The following RCOR3 variants were observed in gnomAD, a reference collection of about 807,000 sequenced individuals.
RCOR3 encodes REST corepressor 3.
In RCOR3, 13 loss-of-function variants were observed where a neutral mutation model predicts 64.1. The ratio of observed to expected loss-of-function variants is 0.20; its 90% CI spans 0.13 to 0.32. The LOEUF is 0.32. Ranked by LOEUF, RCOR3 falls within the 10% of genes least tolerant of loss-of-function variation. The pLI is 1.00. For synonymous variants in RCOR3, 215 were observed against 239.0 expected (o/e 0.90, Z 0.93); for missense variants, 489 against 701.2 (o/e 0.70, Z 3.42).
intron 10 of RCOR3, among the ~76,000 whole-genome samples, chr1:211,311,930 GT>G (rs1172688548): frequency 6.6e-6 from 1 of 151,864 alleles, no homozygotes. Context: ...GTAAAGTTAG[GT>G]TCTCAATTAA....
Position 211,312,314 on chromosome 1 carries a change from C to T in RCOR3, c.1076-406C>T, listed in dbSNP as rs1701576669. On this transcript the variant is annotated intron_variant, in intron 10 of 11. Coordinates refer to ENST00000419091, the MANE Select transcript of RCOR3 (RefSeq NM_001136223.3). This position sits in a 1 kb window ranked among gnomAD's most constrained non-coding sequence, Gnocchi z 5.0. ...GAGGGGATAAGAGAGATGGCTCATT[C>T]CCATCCAGTTTTGTTTACAAACGAT... is the stretch of plus-strand genomic sequence containing the variant. The T allele has an allele frequency of 8.7e-6, 4 of 457,842 alleles. No homozygotes were observed. Among genetic ancestry groups the T allele is most frequent in the Non-Finnish European group, 1.8e-5 (4 of 228,188 alleles). 28.4% of individuals were successfully genotyped at this position (457,842 alleles called of 1,614,324 possible). A position where few individuals can be genotyped will look rare whatever the true frequency, so the allele number is the denominator to read the frequency against.
intron 2 of RCOR3, among the ~76,000 whole-genome samples, chr1:211,270,594 G>T (rs1696013393): frequency 6.6e-6 from 1 of 150,794 alleles, no homozygotes; most frequent in South Asian, 2.1e-4. Context: ...TAAAAGTCTT[G>T]AATTTTTAAT....
chr1:211,288,819 A>G (rs1220010632), intron 7 of RCOR3, among the ~76,000 whole-genome samples: 2 of 151,986 alleles, frequency 1.3e-5, no homozygotes, highest in African/African-American at 4.8e-5. Flanking sequence ...GGAACTTTGC[A>G]TTTAATAAGG....
intron 8 of RCOR3, among the ~76,000 whole-genome samples, chr1:211,293,429 T>C (rs1699482068): frequency 6.6e-6 from 1 of 152,212 alleles, no homozygotes; most frequent in African/African-American, 2.4e-5. Flanking sequence ...ACCTTAGGGC[T>C]TTTCTGTCTT....
At chr1:211,268,907 T>G (rs1251111916) in intron 2 of RCOR3, among the ~76,000 whole-genome samples, 1 of 152,168 alleles carries the variant, frequency 6.6e-6, no homozygotes, top group Non-Finnish European at 1.5e-5. Flanking sequence ...ATGTATGATT[T>G]TTTAACTAAA....
intron 10 of RCOR3, among the ~76,000 whole-genome samples, chr1:211,308,165 T>G (rs1163703232): frequency 6.6e-6 from 1 of 152,238 alleles, no homozygotes; most frequent in Non-Finnish European, 1.5e-5. Flanking sequence ...CTTTAGGGAT[T>G]ATTTTTCTAT....
At position 211,259,716 on chromosome 1, in the gene RCOR3, C is replaced by T. The variant is rs886834045; in HGVS notation, c.156C>T (p.Asp52=). 10 of 1,512,190 alleles carry T rather than the reference C, an allele frequency of 6.6e-6. No homozygotes were observed. Among genetic ancestry groups the T allele is most frequent in the Non-Finnish European group, 8.0e-6 (9 of 1,129,242 alleles). The allele number at this position is 1,512,190 out of a possible 1,614,324, so 93.7% of individuals were successfully genotyped here. A position where few individuals can be genotyped will look rare whatever the true frequency, so the allele number is the denominator to read the frequency against. The change falls in exon 1 of 12, where the codon GAC becomes GAT. Residue 52 remains aspartate (D), a synonymous_variant. Transcript: ENST00000419091. ...AGCCCGAGAGCGGCTGCAGCAGCGACGACGAGCACGGTGGTAGCCTCGAAC... is the reference window on the plus strand; with the variant it reads ...AGCCCGAGAGCGGCTGCAGCAGCGATGACGAGCACGGTGGTAGCCTCGAAC... The part of the protein sequence containing the change: ...YSEPESGCSS[D]DEHDVGMRVG...
intron 9 of RCOR3, chr1:211,301,880 G>T (rs1571983009): frequency 1.3e-5 from 2 of 151,956 alleles, no homozygotes; most frequent in Non-Finnish European, 2.9e-5. Context: ...TTTCCCTCCA[G>T]TTTCTTTCAG....
chr1:211,260,022 G>T, intron 1 of RCOR3, 86 bp from the exon 2 acceptor site: 2 of 1,443,884 alleles, frequency 1.4e-6, no homozygotes, highest in Non-Finnish European at 1.8e-6. Flanking sequence ...TCCATCTAGC[G>T]ATTTTTATTT....
rs756643084 is a variant in RCOR3 at position 211,268,369 on chromosome 1, C to CTT, written c.224-2837_224-2836dup. On this transcript the variant is annotated intron_variant, in intron 2 of 11. Transcript: ENST00000419091. ...AGATATATCAAAGTTTCTTTTCTTTCTTTTTTTTTTTTTTTTTTTTTTTTT... is the reference window on the plus strand; with the variant it reads ...AGATATATCAAAGTTTCTTTTCTTTCTTTTTTTTTTTTTTTTTTTTTTTTTTT... Among the ~76,000 whole-genome samples, 194 of 79,332 alleles carry CTT rather than the reference C, an allele frequency of 2.4e-3. 4 individuals are homozygous for CTT. Among genetic ancestry groups the CTT allele is most frequent in the African/African-American group, 7.1e-3 (162 of 22,764 alleles). 52.0% of individuals were successfully genotyped at this position (79,332 alleles called of 152,430 possible).
At chr1:211,302,239 C>CA (rs1321972048) in intron 9 of RCOR3, 1 of 152,200 alleles carries the variant, frequency 6.6e-6, no homozygotes, top group Admixed American at 6.5e-5. Context: ...TAATACAATG[C>CA]AAATACAACA....
intron 2 of RCOR3, among the ~76,000 whole-genome samples, chr1:211,264,258 G>A (rs1694836331): frequency 6.6e-6 from 1 of 152,148 alleles, no homozygotes; most frequent in African/African-American, 2.4e-5. Flanking sequence ...AAGTCATTTG[G>A]AAGAAAAATT....
Position 211,260,163 on chromosome 1 carries a change from A to G in RCOR3, c.222A>G (p.Pro74=). 1 of 1,612,054 alleles carries G rather than the reference A, an allele frequency of 6.2e-7. No homozygotes were observed. Among genetic ancestry groups the G allele is most frequent in the Non-Finnish European group, 8.5e-7 (1 of 1,178,578 alleles). The change falls in exon 2 of 12, where the codon CCA becomes CCG. Residue 74 remains proline (P), a splice_region_variant and synonymous_variant. Transcript: ENST00000419091. ...EYQARIPEFD[P]GATKYTDKDN... is the part of the protein sequence containing the mutation. ...AAGCTCGGATCCCTGAATTTGATCC[A>G]GGTAGATATATTTGCTTAAGCAAAA... is the stretch of plus-strand genomic sequence containing the variant.
rs1222954412 is a variant in RCOR3, at chr1:211,259,533, C to T, written c.-28C>T. The T allele has an allele frequency of 4.5e-5, 69 of 1,540,838 alleles. No homozygotes were observed. In the East Asian group the frequency reaches 1.6e-3, roughly 36 times the overall value. On this transcript the variant is annotated 5_prime_UTR_variant, in exon 1 of 12. Coordinates refer to ENST00000419091, the MANE Select transcript of RCOR3 (RefSeq NM_001136223.3). ...TTCACCCTGACGCCTGCCTCTTCCCCTCACCTTTCCCCCTCCCCTGTTCTA... is the reference window on the plus strand; with the variant it reads ...TTCACCCTGACGCCTGCCTCTTCCCTTCACCTTTCCCCCTCCCCTGTTCTA...
At chr1:211,298,011 A>T (rs1310033065) in intron 9 of RCOR3, among the ~76,000 whole-genome samples, 1 of 152,176 alleles carries the variant, frequency 6.6e-6, no homozygotes, top group East Asian at 1.9e-4. Context: ...TCATTTAGGG[A>T]AAAATGGGTT....
At chr1:211,281,341 AAAC>A (rs1175664722) in intron 7 of RCOR3, among the ~76,000 whole-genome samples, 1 of 151,824 alleles carries the variant, frequency 6.6e-6, no homozygotes, top group Non-Finnish European at 1.5e-5. Flanking sequence ...GTCTCTCAAA[AAAC>A]TGTGAGATTT....
rs1340230676 is a variant in RCOR3, at chr1:211,271,235, C to T, written c.227C>T (p.Ala76Val). ...QARIPEFDPG[A>V]TKYTDKDNGG... Reference sequence around the variant, plus strand: ...AGTAATTATCTTTTTCCCCCAGGTGCTACAAAGTACACAGATAAAGACAAT... The same window carrying T: ...AGTAATTATCTTTTTCCCCCAGGTGTTACAAAGTACACAGATAAAGACAAT... Residue 76 changes from alanine (A) to valine (V), a missense_variant, in exon 3 of 12, where the codon GCT becomes GTT. By Grantham distance (64) the Ala-to-Val change is moderately conservative. Around this residue, in one of 2 missense-constraint regions of RCOR3, gnomAD observed 402 missense variants for 617.0 expected, o/e 0.65. Transcript: ENST00000419091. 1 of 1,611,512 alleles carries T rather than the reference C, an allele frequency of 6.2e-7. No individual in the cohort carries two copies. The highest frequency in any genetic ancestry group is 1.7e-5 in the Admixed American group (1 of 59,876).
At chr1:211,283,888 T>C (rs911708966) in intron 7 of RCOR3, among the ~76,000 whole-genome samples, 1 of 151,868 alleles carries the variant, frequency 6.6e-6, no homozygotes, top group Non-Finnish European at 1.5e-5. Flanking sequence ...AAGTTTTTTC[T>C]TATTGAATTC....
chr1:211,315,692 A>C lies in RCOR3; in HGVS notation c.*1924A>C, dbSNP rs916629819. The C allele has an allele frequency of 4.6e-5, 7 of 152,294 alleles. No homozygotes were observed. Among genetic ancestry groups the C allele is most frequent in the African/African-American group, 1.7e-4 (7 of 41,552 alleles). The allele number at this position is 152,294 out of a possible 1,614,324, so 9.4% of individuals were successfully genotyped here. A position where few individuals can be genotyped will look rare whatever the true frequency, so the allele number is the denominator to read the frequency against. ...CAGTACACAGTATGTGGGATATGTC[A>C]GTCAAGTTGGTCAGCACCAGCATCT... On this transcript the variant is annotated 3_prime_UTR_variant, in exon 12 of 12. Coordinates refer to ENST00000419091, the MANE Select transcript of RCOR3 (RefSeq NM_001136223.3).
Sources: gnomAD v4.1 joint callset for allele counts (sites outside exome capture counted in the v4.1 genomes callset) on GRCh38, gnomAD v4.1.1 for gene constraint, gnomAD v4.1.1 regional missense constraint, Gnocchi (gnomAD v3.1) non-coding constraint, MANE v1.5 for transcripts, NCBI Gene and HGNC (gene_info 2026-07-23, HGNC 2026-07-21) for gene names.